The following SNTB1 variants were observed in gnomAD, a reference collection of about 807,000 sequenced individuals.
SNTB1 encodes the protein syntrophin beta 1, also known as beta-1-syntrophin.
A neutral mutation model predicts 48.9 loss-of-function variants in SNTB1; 36 were observed. The observed-to-expected ratio is 0.74, with a 90% CI of 0.56 to 0.97. The LOEUF (loss-of-function observed/expected upper bound fraction) is 0.97, where lower values mean the gene tolerates loss of function less well. Among genes scored for constraint, SNTB1 ranks in the 50% least tolerant of loss-of-function variants. The probability of loss-of-function intolerance (pLI) is 0.00; values close to 1 mark genes in which losing one functional copy is unlikely to be tolerated. For synonymous variants in SNTB1, 299 were observed against 294.6 expected (o/e 1.01, Z -0.15); for missense variants, 786 against 703.4 (o/e 1.12, Z -1.33).
chr8:120,714,546 A>G (rs140323686), intron 1 of SNTB1, among the ~76,000 whole-genome samples: 20 of 152,244 alleles, frequency 1.3e-4, no homozygotes, highest in Non-Finnish European at 2.5e-4. Flanking sequence ...CTAGACAGGA[A>G]GCAGGCACCA....
At chr8:120,764,938 A>C (rs532076839) in intron 1 of SNTB1, among the ~76,000 whole-genome samples, 4 of 152,180 alleles carry the variant, frequency 2.6e-5, no homozygotes, top group East Asian at 1.9e-4. Flanking sequence ...TTAAAAAAAA[A>C]CTCACAGCTG....
At chr8:120,801,045 G>A (rs1820217461) in intron 1 of SNTB1, among the ~76,000 whole-genome samples, 1 of 152,020 alleles carries the variant, frequency 6.6e-6, no homozygotes, top group African/African-American at 2.4e-5. Context: ...ATCCTTGGCA[G>A]AAGAGGGTGT....
chr8:120,624,647 C>T (rs1294339246), intron 3 of SNTB1, among the ~76,000 whole-genome samples: 2 of 152,202 alleles, frequency 1.3e-5, no homozygotes, highest in Non-Finnish European at 2.9e-5. Context: ...AAAATATATT[C>T]ATTCCATCCC....
chr8:120,682,972 C>G lies in SNTB1; in HGVS notation c.788+10720G>C, dbSNP rs1484247937. On this transcript the variant is annotated intron_variant, in intron 2 of 6. Coordinates refer to ENST00000517992, the MANE Select transcript of SNTB1 (RefSeq NM_021021.4). ...TCTCGGCTCACTGCAACCTCCGCCT[C>G]CTGGGTTCACGCCATTCTCCTGCCT... Among the ~76,000 whole-genome samples, 3 of 150,476 alleles carry G rather than the reference C, an allele frequency of 2.0e-5. No individual in the cohort carries two copies. The South Asian group carries it at 6.3e-4, about 32-fold the overall frequency.
At chr8:120,549,754 G>A (rs141824611) in intron 4 of SNTB1, among the ~76,000 whole-genome samples, 159 of 152,196 alleles carry the variant, frequency 1.0e-3, no homozygotes, top group African/African-American at 3.6e-3. Context: ...TTAAACACTG[G>A]GATCTTTCAT....
At chr8:120,610,905 G>A (rs926655455) in intron 3 of SNTB1, among the ~76,000 whole-genome samples, 1 of 152,104 alleles carries the variant, frequency 6.6e-6, no homozygotes, top group African/African-American at 2.4e-5. Flanking sequence ...TGTGTGGGTG[G>A]GGAGCCCGCT....
chr8:120,551,720 C>G (rs1408448891), intron 4 of SNTB1, among the ~76,000 whole-genome samples: 2 of 107,106 alleles, frequency 1.9e-5, no homozygotes, highest in African/African-American at 7.9e-5. Context: ...AGTGAGACTC[C>G]ATCTCAAAAA....
At chr8:120,700,525 A>C (rs1483046418) in intron 1 of SNTB1, among the ~76,000 whole-genome samples, 1 of 152,212 alleles carries the variant, frequency 6.6e-6, no homozygotes, top group Non-Finnish European at 1.5e-5. Context: ...TTTGGGCATC[A>C]TGATTTAAAA....
At chr8:120,666,663 A>G (rs1817677285) in intron 2 of SNTB1, among the ~76,000 whole-genome samples, 1 of 152,150 alleles carries the variant, frequency 6.6e-6, no homozygotes, top group Non-Finnish European at 1.5e-5. Context: ...ATTTTCAGCC[A>G]TTATTTCTTC....
intron 1 of SNTB1, among the ~76,000 whole-genome samples, chr8:120,802,669 G>T (rs1480798112): frequency 6.6e-6 from 1 of 152,088 alleles, no homozygotes; most frequent in African/African-American, 2.4e-5. Context: ...GCCTGTAACT[G>T]ATACAATTGA....
chr8:120,675,105 T>C (rs1312367944), intron 2 of SNTB1, among the ~76,000 whole-genome samples: 1 of 152,214 alleles, frequency 6.6e-6, no homozygotes, highest in East Asian at 1.9e-4. Flanking sequence ...ACTTTTCACA[T>C]GTTTTAAGTG....
intron 4 of SNTB1, chr8:120,570,173 AGACTC>A: frequency 6.6e-6 from 1 of 152,320 alleles, no homozygotes; most frequent in East Asian, 1.9e-4. Context: ...AAAAGAGGGG[AGACTC>A]CTGGGGAGCA....
At chr8:120,745,287 T>C (rs1301582714) in intron 1 of SNTB1, among the ~76,000 whole-genome samples, 1 of 152,032 alleles carries the variant, frequency 6.6e-6, no homozygotes, top group South Asian at 2.1e-4. Flanking sequence ...GGCTCCCCAC[T>C]GTCACTAGTC....
intron 2 of SNTB1, among the ~76,000 whole-genome samples, chr8:120,665,925 C>T (rs577253162): frequency 6.6e-6 from 1 of 152,206 alleles, no homozygotes; most frequent in Admixed American, 6.5e-5. Context: ...TCAATCAATT[C>T]GTCTATCTTA....
chr8:120,554,984 T>TTCAA (rs556851422), intron 4 of SNTB1, among the ~76,000 whole-genome samples: 2,220 of 152,290 alleles, frequency 0.015, 54 homozygotes, highest in African/African-American at 0.05. Context: ...CATTCATTCA[T>TTCAA]TCAATCAATC....
intron 4 of SNTB1, among the ~76,000 whole-genome samples, chr8:120,553,483 G>A (rs1023056584): frequency 1.3e-5 from 2 of 152,182 alleles, no homozygotes; most frequent in African/African-American, 2.4e-5. Context: ...AAATACATGA[G>A]CTATCTGCTG....
At chr8:120,580,213 A>T (rs1318175900) in intron 3 of SNTB1, among the ~76,000 whole-genome samples, 1 of 152,014 alleles carries the variant, frequency 6.6e-6, no homozygotes, top group Admixed American at 6.6e-5. Context: ...CTTCATACCA[A>T]CTCACTCTTC....
Position 120,721,666 on chromosome 8 carries a change from T to G in SNTB1, c.572-27758A>C, listed in dbSNP as rs549650116. On this transcript the variant is annotated intron_variant, in intron 1 of 6. Coordinates refer to ENST00000517992, the MANE Select transcript of SNTB1 (RefSeq NM_021021.4). ...GCTAGCTATTGATGTTTTATATAGG[T>G]TTCCTTAGGGAAAAAAAATGAGTCA... Among the ~76,000 whole-genome samples, 3 of 152,304 alleles carry G rather than the reference T, an allele frequency of 2.0e-5. No homozygotes were observed. In the East Asian group the frequency reaches 5.8e-4, roughly 29 times the overall value.
At chr8:120,786,350 T>C (rs945274843) in intron 1 of SNTB1, among the ~76,000 whole-genome samples, 1 of 152,180 alleles carries the variant, frequency 6.6e-6, no homozygotes, top group Non-Finnish European at 1.5e-5. Flanking sequence ...TCAGCAGAGA[T>C]ACAGGTGCAG....
Sources: gnomAD v4.1 joint callset for allele counts (sites outside exome capture counted in the v4.1 genomes callset) on GRCh38, gnomAD v4.1.1 for gene constraint, MANE v1.5 for transcripts, NCBI Gene and HGNC (gene_info 2026-07-23, HGNC 2026-07-21) for gene names.